Variants in SLC36A1 observed in about 807,000 individuals in gnomAD.
SLC36A1 encodes the protein proton-coupled amino acid transporter 1.
Under a neutral mutation model 47.5 loss-of-function variants are expected in SLC36A1, and 30 were observed. That is an observed-to-expected ratio of 0.63 (90% CI 0.47 to 0.86). The LOEUF is 0.86. Among genes scored for constraint, SLC36A1 ranks in the 40% least tolerant of loss-of-function variants. The pLI is 0.00. For synonymous variants in SLC36A1, 255 were observed against 249.7 expected (o/e 1.02, Z -0.20); for missense variants, 517 against 606.0 (o/e 0.85, Z 1.54).
At chr5:151,421,725 G>A in the SLC36A1 span, among the ~76,000 whole-genome samples, 1 of 151,736 alleles carries the variant, frequency 6.6e-6, no homozygotes, top group African/African-American at 2.4e-5. Context: ...TGAGTAGCTG[G>A]GACTACAGCC....
At chr5:151,431,523 G>A in the SLC36A1 span, among the ~76,000 whole-genome samples, 1 of 152,122 alleles carries the variant, frequency 6.6e-6, no homozygotes, top group African/African-American at 2.4e-5. Flanking sequence ...ATCTCATCTT[G>A]AATTATAACT....
At position 151,489,225 on chromosome 5, in the gene SLC36A1, T is replaced by C. The variant is rs192666322; in HGVS notation, c.*971T>C. 24 of 152,322 alleles carry C rather than the reference T, an allele frequency of 1.6e-4. No homozygotes were observed. Among genetic ancestry groups the C allele is most frequent in the African/African-American group, 5.8e-4 (24 of 41,486 alleles). The allele number at this position is 152,322 out of a possible 1,614,324, so 9.4% of individuals were successfully genotyped here. A position where few individuals can be genotyped will look rare whatever the true frequency, so the allele number is the denominator to read the frequency against. ...AAGACATTGAAGGACTGCAGAAATG[T>C]ATGGGTGCACCGGGCCGAGGGAAGG... On this transcript the variant is annotated 3_prime_UTR_variant, in exon 11 of 11. Coordinates refer to ENST00000243389, the MANE Select transcript of SLC36A1 (RefSeq NM_078483.4). The surrounding 1 kb of genome is among the most constrained non-coding windows in gnomAD (Gnocchi z 4.5).
chr5:151,548,515 G>A, the SLC36A1 span, among the ~76,000 whole-genome samples: 6 of 151,936 alleles, frequency 3.9e-5, no homozygotes, highest in South Asian at 2.1e-4. Flanking sequence ...GAGTCTTGCT[G>A]TGTCGCCCAG....
At chr5:151,348,676 A>G in the SLC36A1 span, among the ~76,000 whole-genome samples, 2 of 152,192 alleles carry the variant, frequency 1.3e-5, no homozygotes, top group African/African-American at 4.8e-5. Flanking sequence ...CCATGGGATA[A>G]GCTTCAAGCT....
chr5:151,409,306 G>C, the SLC36A1 span, among the ~76,000 whole-genome samples: 5 of 152,044 alleles, frequency 3.3e-5, no homozygotes, highest in African/African-American at 9.7e-5. Context: ...TCTGGTTGGG[G>C]TGGGGGGGAT....
chr5:151,510,305 C>T, the SLC36A1 span: 5 of 1,079,824 alleles, frequency 4.6e-6, no homozygotes, highest in Admixed American at 2.2e-5. Context: ...CCCTCTGTGC[C>T]CAATACCGTG....
chr5:151,408,696 A>G, the SLC36A1 span, among the ~76,000 whole-genome samples: 1 of 152,196 alleles, frequency 6.6e-6, no homozygotes, highest in Non-Finnish European at 1.5e-5. Context: ...TGACTTGTAA[A>G]TCCAGCCCTA....
chr5:151,397,254 C>G, the SLC36A1 span, among the ~76,000 whole-genome samples: 51 of 152,344 alleles, frequency 3.3e-4, no homozygotes, highest in African/African-American at 1.2e-3. Context: ...CAGACACTCT[C>G]TGTTGTATTC....
At chr5:151,546,116 C>A in the SLC36A1 span, 1 of 1,614,130 alleles carries the variant, frequency 6.2e-7, no homozygotes, top group Non-Finnish European at 8.5e-7. Context: ...GGGATTGATT[C>A]AGGGATCTCT....
the SLC36A1 span, chr5:151,382,139 C>T: frequency 7.0e-5 from 64 of 917,882 alleles, no homozygotes; most frequent in Non-Finnish European, 1.0e-4. Context: ...CTTTCAAGCA[C>T]AGTGCAGACT....
Position 151,488,241 on chromosome 5 carries a change from G to A in SLC36A1, c.1418G>A (p.Cys473Tyr), listed in dbSNP as rs1270527689. The A allele has an allele frequency of 6.2e-7, 1 of 1,614,000 alleles. No individual in the cohort carries two copies. The change falls in exon 11 of 11, where the codon TGT becomes TAT. Residue 473 changes from cysteine (C) to tyrosine (Y), a missense_variant. Cys to Tyr is a radical substitution (Grantham distance 194). Transcript: ENST00000243389. ...GCTCCCATCTTCATCAATTCCACCT[G>A]TGCCTTCATATAGGGATCTGGGTTC... Reference protein sequence around the residue: ...SNAPIFINSTCAFI With the variant: ...SNAPIFINSTYAFI
chr5:151,457,853 TG>T (rs1380665742), intron 1 of SLC36A1, among the ~76,000 whole-genome samples: 3 of 113,818 alleles, frequency 2.6e-5, no homozygotes, highest in Admixed American at 8.3e-5. Flanking sequence ...GTTGTTTGTT[TG>T]TTTTTTTTTT....
At chr5:151,377,112 T>A in the SLC36A1 span, among the ~76,000 whole-genome samples, 3 of 152,224 alleles carry the variant, frequency 2.0e-5, no homozygotes, top group Non-Finnish European at 4.4e-5. Context: ...AAAAATTTAT[T>A]GAGACTGATT....
At chr5:151,502,542 A>G in the SLC36A1 span, among the ~76,000 whole-genome samples, 1 of 148,280 alleles carries the variant, frequency 6.7e-6, no homozygotes, top group Admixed American at 6.6e-5. Context: ...AAAGCACATG[A>G]AAAGATGCTC....
chr5:151,415,218 T>G, the SLC36A1 span, among the ~76,000 whole-genome samples: 25,513 of 152,092 alleles, frequency 0.17, 2,381 homozygotes, highest in East Asian at 0.38. Flanking sequence ...CCATACAGCA[T>G]CTAGACTGAT....
the SLC36A1 span, chr5:151,553,137 G>A: frequency 1.3e-6 from 2 of 1,588,138 alleles, no homozygotes; most frequent in Non-Finnish European, 1.7e-6. Flanking sequence ...TATAAGGATG[G>A]GAGGGGTTGG....
the SLC36A1 span, among the ~76,000 whole-genome samples, chr5:151,400,488 G>A: frequency 6.6e-6 from 1 of 152,060 alleles, no homozygotes; most frequent in African/African-American, 2.4e-5. Flanking sequence ...GTGTCTTTTT[G>A]GTAGAATGAT....
chr5:151,525,933 C>A, the SLC36A1 span: 1 of 1,614,214 alleles, frequency 6.2e-7, no homozygotes, highest in African/African-American at 1.3e-5. Flanking sequence ...TCAGGATCAG[C>A]TGCAGGACTT....
the SLC36A1 span, chr5:151,529,313 G>A: frequency 7.1e-5 from 114 of 1,613,840 alleles, no homozygotes; most frequent in Non-Finnish European, 9.1e-5. Context: ...GGGAAGAGGA[G>A]CTCTTCCGGC....
Sources: allele counts gnomAD v4.1 joint callset (sites outside exome capture counted in the v4.1 genomes callset), GRCh38; gene constraint gnomAD v4.1.1; non-coding constraint Gnocchi (gnomAD v3.1); transcripts MANE v1.5; gene names NCBI Gene and HGNC (gene_info 2026-07-23, HGNC 2026-07-21).